ENOSF1: variants seen among roughly 807,000 people sequenced by gnomAD.
The protein encoded by ENOSF1 is mitochondrial enolase superfamily member 1.
In ENOSF1, 73 loss-of-function variants were observed where a neutral mutation model predicts 68.2. The observed-to-expected ratio is 1.07, with a 90% CI of 0.89 to 1.30. ENOSF1 has a LOEUF of 1.30. Among genes scored for constraint, ENOSF1 ranks in the 50% most tolerant of loss-of-function variants. ENOSF1 has a pLI of 0.00. For missense variants in ENOSF1, 589 were observed against 554.5 expected, an observed-to-expected ratio of 1.06 and a Z score of -0.62; for synonymous variants, 223 against 210.4, an observed-to-expected ratio of 1.06 and a Z score of -0.52.
downstream of ENOSF1, chr18:669,555 A>T (rs1382974344): frequency 5.5e-6 from 1 of 182,250 alleles, no homozygotes; most frequent in East Asian, 1.4e-4. Context: ...TATTTTTAGT[A>T]GAGACGGGGT....
chr18:712,563 G>A lies in ENOSF1; in HGVS notation c.25C>T (p.Leu9Phe). 4 of 1,539,174 alleles carry A rather than the reference G, an allele frequency of 2.6e-6. No homozygotes were observed. Among genetic ancestry groups the A allele is most frequent in the Non-Finnish European group, 3.5e-6 (4 of 1,146,154 alleles). The change falls in exon 1 of 16, where the codon CTC (leucine) becomes TTC (phenylalanine). Residue 9 changes from leucine (L) to phenylalanine (F), a missense_variant. By Grantham distance (22) the Leu-to-Phe change is conservative. Transcript: ENST00000647584. ...GGGAAGCGCACGTCCCGGACCGAGA[G>A]CCGGGAGATCCTGCCGCGCACCATG... is the stretch of plus-strand genomic sequence containing the variant. MVRGRISRLSVRDVRFPTS... is the reference protein window; with the variant it reads MVRGRISRFSVRDVRFPTS...
chr18:675,267 C>T (rs929249552), intron 15 of ENOSF1, 54 bp downstream of exon 15: 85 of 1,359,430 alleles, frequency 6.3e-5, no homozygotes, highest in African/African-American at 5.4e-4. Flanking sequence ...ACGAGACAGG[C>T]GTGGCAGTGG....
intron 9 of ENOSF1, chr18:686,890 G>A (rs879715739): frequency 6.6e-6 from 1 of 152,226 alleles, no homozygotes; most frequent in Non-Finnish European, 1.5e-5. Context: ...CCAGCTGGAG[G>A]CTTCAACTAC....
intron 15 of ENOSF1, 36 bp from the exon 16 acceptor site, chr18:674,442 C>A: frequency 7.6e-7 from 1 of 1,311,132 alleles, no homozygotes; most frequent in South Asian, 1.2e-5. Context: ...CTGTTAACAA[C>A]CACCTGGAAC....
chr18:693,777 A>G (rs1233286341), intron 5 of ENOSF1, 105 bp downstream of exon 5: 3 of 1,562,790 alleles, frequency 1.9e-6, no homozygotes, highest in Non-Finnish European at 2.6e-6. Flanking sequence ...CGCTATAGTG[A>G]TCAACAGATA....
intron 11 of ENOSF1, among the ~76,000 whole-genome samples, chr18:681,776 A>G (rs2076102571): frequency 6.6e-6 from 1 of 152,176 alleles, no homozygotes; most frequent in Non-Finnish European, 1.5e-5. Flanking sequence ...GCCCTGGCCC[A>G]GTATCCTCCG....
In ENOSF1 at chr18:671,663, A is replaced by C. The variant is rs2075056889; in HGVS notation, c.*2642T>G. ...GGCACTTAACATGTCAGGTGCTGTG[A>C]GGTACTAAGCACCAGTACCAGAGAG... On this transcript the variant is annotated 3_prime_UTR_variant, in exon 16 of 16. Transcript: ENST00000647584. The C allele has an allele frequency of 5.1e-6, 3 of 586,918 alleles. No homozygotes were observed. Among genetic ancestry groups the C allele is most frequent in the Non-Finnish European group, 8.9e-6 (3 of 335,802 alleles). 36.4% of individuals were successfully genotyped at this position (586,918 alleles called of 1,614,324 possible).
rs780321607 is a variant in ENOSF1 at position 671,434 on chromosome 18, G to A, written c.*2871C>T. 3.7e-6 allele frequency: 6 copies of A among 1,610,234 alleles called. No individual in the cohort carries two copies. The highest frequency in any genetic ancestry group is 2.2e-5 in the East Asian group (1 of 44,872). ...TGCACATATTTACCTGAATCACATC[G>A]AGCCACTGAAAATTCAGGTAAGAAT... On this transcript the variant is annotated 3_prime_UTR_variant, in exon 16 of 16. Transcript: ENST00000647584.
intron 3 of ENOSF1, among the ~76,000 whole-genome samples, chr18:695,204 T>C (rs1489085999): frequency 1.3e-5 from 2 of 152,248 alleles, no homozygotes; most frequent in East Asian, 3.8e-4. Flanking sequence ...ATTAGCATTT[T>C]AAAAGAGTAC....
intron 10 of ENOSF1, among the ~76,000 whole-genome samples, chr18:683,744 G>C (rs1435847167): frequency 6.6e-6 from 1 of 151,954 alleles, no homozygotes; most frequent in Non-Finnish European, 1.5e-5. Flanking sequence ...TCTGTTCGTA[G>C]AAACCATTTT....
chr18:702,539 C>T (rs190802458), intron 2 of ENOSF1, among the ~76,000 whole-genome samples: 1 of 152,098 alleles, frequency 6.6e-6, no homozygotes, highest in Non-Finnish European at 1.5e-5. Context: ...TGTGCCACTC[C>T]ACTCCAGCCT....
intron 2 of ENOSF1, among the ~76,000 whole-genome samples, chr18:702,782 G>T (rs2078501793): frequency 6.6e-6 from 1 of 151,910 alleles, no homozygotes. Context: ...CATAAAAAAA[G>T]GATAAAAATG....
At chr18:709,598 C>A (rs930069259) in intron 1 of ENOSF1, among the ~76,000 whole-genome samples, 1 of 152,036 alleles carries the variant, frequency 6.6e-6, no homozygotes, top group Non-Finnish European at 1.5e-5. Flanking sequence ...TGGTGAAACC[C>A]CGTCTCTACC....
At chr18:690,684 T>C (rs2077053616) in intron 7 of ENOSF1, 53 bp from the exon 8 acceptor site, 2 of 1,610,776 alleles carry the variant, frequency 1.2e-6, no homozygotes, top group African/African-American at 1.3e-5. Flanking sequence ...CCCTTCGGAA[T>C]TGGAAGTGCC....
chr18:677,512 T>C (rs1174376490), intron 13 of ENOSF1, 68 bp from the exon 14 acceptor site: 11 of 1,411,652 alleles, frequency 7.8e-6, no homozygotes, highest in Non-Finnish European at 1.1e-5. Flanking sequence ...AAAGGGAACT[T>C]TCTGGTTTTT....
chr18:670,061 T>TTTTTTTTTTTTTTTTTTTGTTTTCCAG (rs2074966373), downstream of ENOSF1, among the ~76,000 whole-genome samples: 1 of 125,422 alleles, frequency 8.0e-6, no homozygotes, highest in African/African-American at 3.3e-5. Flanking sequence ...TTTTTTTTTT[T>TTTTTTTTTTTTTTTTTTTGTTTTCCAG]GAGACACAGT....
At position 694,332 on chromosome 18, in the gene ENOSF1, A is replaced by G; in HGVS notation, c.312T>C (p.Ile104=). 6.2e-7 allele frequency: 1 copy of G among 1,614,126 alleles called. No homozygotes were observed. Among genetic ancestry groups the G allele is most frequent in the South Asian group, 1.1e-5 (1 of 91,084 alleles). The change falls in exon 4 of 16, where the codon ATT becomes ATC. Residue 104 remains isoleucine, a splice_region_variant and synonymous_variant. Coordinates refer to ENST00000647584, the MANE Select transcript of ENOSF1 (RefSeq NM_017512.7). ...QLTSDGQLRW[I]GPEKGVVHLA... is the part of the protein sequence containing the mutation. ...GGTGCACCACGCCCTTTTCTGGACC[A>G]ATCTGGTTAGGAAGCAAAGTACAAA...
In ENOSF1 at chr18:671,332, A is replaced by G; in HGVS notation, c.*2973T>C. The G allele has an allele frequency of 8.2e-7, 1 of 1,217,322 alleles. No individual in the cohort carries two copies. Among genetic ancestry groups the G allele is most frequent in the Non-Finnish European group, 1.2e-6 (1 of 818,536 alleles). The allele number at this position is 1,217,322 out of a possible 1,614,324, so 75.4% of individuals were successfully genotyped here. A position where few individuals can be genotyped will look rare whatever the true frequency, so the allele number is the denominator to read the frequency against. On this transcript the variant is annotated 3_prime_UTR_variant, in exon 16 of 16. Transcript: ENST00000647584. The stretch of plus-strand genomic sequence containing the variant: ...TCTAATGTTTTTAAATGATGTTTTA[A>G]AGAATTGAAACTAACATACTGTTCT...
chr18:691,440 G>A lies in ENOSF1; in HGVS notation c.424-164C>T, dbSNP rs181847935. 1.7e-4 allele frequency: 103 copies of A among 589,410 alleles called. 1 individual carries two copies. The highest frequency in any genetic ancestry group is 1.6e-3 in the African/African-American group (86 of 53,598). 36.5% of individuals were successfully genotyped at this position (589,410 alleles called of 1,614,324 possible). ...AGCTCACTGCAGCCTCAGTCTCCCTGGCTTATGTGATCCTCCTGCCTCAGC... is the reference window on the plus strand; with the variant it reads ...AGCTCACTGCAGCCTCAGTCTCCCTAGCTTATGTGATCCTCCTGCCTCAGC... On this transcript the variant is annotated intron_variant, in intron 5 of 15. Transcript: ENST00000647584.
Sources: gnomAD v4.1 joint callset for allele counts (sites outside exome capture counted in the v4.1 genomes callset) on GRCh38, gnomAD v4.1.1 for gene constraint, MANE v1.5 for transcripts, NCBI Gene and HGNC (gene_info 2026-07-23, HGNC 2026-07-21) for gene names.